CATSPERE: variants seen among roughly 807,000 people sequenced by gnomAD.
The protein encoded by CATSPERE is cation channel sperm-associated auxiliary subunit epsilon.
A neutral mutation model predicts 114.1 loss-of-function variants in CATSPERE; 93 were observed. The ratio of observed to expected loss-of-function variants is 0.81; its 90% CI spans 0.69 to 0.97. CATSPERE has a LOEUF of 0.97. Among genes scored for constraint, CATSPERE ranks in the 50% least tolerant of loss-of-function variants. CATSPERE has a pLI of 0.00. For synonymous variants in CATSPERE, 341 were observed against 384.1 expected (o/e 0.89, Z 1.31); for missense variants, 1,058 against 1,131.6 (o/e 0.93, Z 0.93).
At chr1:244,553,600 A>ACACACACACACACACACATAT (rs775040459) in intron 9 of CATSPERE, among the ~76,000 whole-genome samples, 1 of 32,578 alleles carries the variant, frequency 3.1e-5, no homozygotes, top group African/African-American at 1.1e-4. Flanking sequence ...AAAAAAAAAA[A>ACACACACACACACACACATAT]ATACACACAC....
chr1:244,510,668 T>C (rs1336331191), intron 7 of CATSPERE, among the ~76,000 whole-genome samples: 2 of 152,108 alleles, frequency 1.3e-5, no homozygotes, highest in Non-Finnish European at 2.9e-5. Context: ...CTTTGTTGAT[T>C]TTCTATCTAG....
chr1:244,577,601 C>A (rs188597061), intron 11 of CATSPERE, among the ~76,000 whole-genome samples: 10 of 152,298 alleles, frequency 6.6e-5, no homozygotes, highest in Admixed American at 5.2e-4. Context: ...TTCACTGTGT[C>A]CTCACATGGC....
rs3006048 is a variant in CATSPERE at position 244,518,115 on chromosome 1, T to C, written c.430-477T>C. On this transcript the variant is annotated intron_variant, in intron 7 of 21. Coordinates refer to ENST00000366534, the MANE Select transcript of CATSPERE (RefSeq NM_001130957.2). ...CAACTCAATTCCCCTTCTCCTTATG[T>C]ATCATGAGAAAAAGGGAGCTTTTCA... Among the ~76,000 whole-genome samples the C allele has an allele frequency of 7.2e-3, 1,102 of 152,308 alleles. 14 individuals carry two copies. The highest frequency in any genetic ancestry group is 0.025 in the African/African-American group (1,027 of 41,566).
At chr1:244,552,996 C>T (rs902946782) in intron 9 of CATSPERE, among the ~76,000 whole-genome samples, 182 bp downstream of exon 9, 1 of 152,024 alleles carries the variant, frequency 6.6e-6, no homozygotes, top group African/African-American at 2.4e-5. Context: ...GAGATACACC[C>T]CCAACAACTA....
chr1:244,601,303 CT>C (rs1356942716), intron 17 of CATSPERE, among the ~76,000 whole-genome samples: 1 of 151,946 alleles, frequency 6.6e-6, no homozygotes, highest in Non-Finnish European at 1.5e-5. Flanking sequence ...TCAACATGTG[CT>C]TAATAATTTT....
chr1:244,549,318 A>G (rs1205669795), intron 8 of CATSPERE, among the ~76,000 whole-genome samples: 1 of 152,354 alleles, frequency 6.6e-6, no homozygotes, highest in East Asian at 1.9e-4. Flanking sequence ...GAAGTCAGCT[A>G]TAAATACCAG....
At chr1:244,620,113 G>A (rs1671902049) in intron 20 of CATSPERE, among the ~76,000 whole-genome samples, 1 of 152,190 alleles carries the variant, frequency 6.6e-6, no homozygotes, top group Admixed American at 6.5e-5. Flanking sequence ...ATTATTGTAT[G>A]TGGCCGAAAT....
chr1:244,583,866 A>G lies in CATSPERE; in HGVS notation c.2012A>G (p.Asp671Gly). 6.2e-7 allele frequency: 1 copy of G among 1,613,842 alleles called. No individual in the cohort carries two copies. The highest frequency in any genetic ancestry group is 8.5e-7 in the Non-Finnish European group (1 of 1,179,798). Residue 671 changes from aspartate (D) to glycine (G), a missense_variant and splice_region_variant, in exon 13 of 22, where the codon GAC becomes GGC. By Grantham distance (94) the Asp-to-Gly change is moderately conservative (BLOSUM62 -1). Coordinates refer to ENST00000366534, the MANE Select transcript of CATSPERE (RefSeq NM_001130957.2). ...CCTGTACGAATTGTTTCTCCTAGAG[A>G]CAAGCACACGGGTCTTGTGCTGGTT... Reference protein sequence around the residue: ...ERISDYFETQDKHTGLVLVQF... With the variant: ...ERISDYFETQGKHTGLVLVQF...
intron 6 of CATSPERE, among the ~76,000 whole-genome samples, chr1:244,495,669 C>T (rs1042547885): frequency 6.6e-6 from 1 of 152,076 alleles, no homozygotes; most frequent in African/African-American, 2.4e-5. Flanking sequence ...TGCAGTGAGC[C>T]GAGATTGCGC....
intron 6 of CATSPERE, among the ~76,000 whole-genome samples, chr1:244,493,204 A>G (rs1193640656): frequency 3.9e-5 from 6 of 152,234 alleles, no homozygotes; most frequent in Admixed American, 2.6e-4. Flanking sequence ...TATATATACT[A>G]CAAGGCTACA....
At chr1:244,528,578 A>G (rs1679042508) in intron 8 of CATSPERE, among the ~76,000 whole-genome samples, 1 of 152,120 alleles carries the variant, frequency 6.6e-6, no homozygotes, top group South Asian at 2.1e-4. Flanking sequence ...CATACAATGT[A>G]TAATAATCAT....
Position 244,621,103 on chromosome 1 carries a change from TAA to T in CATSPERE, c.2648+3419_2648+3420del, listed in dbSNP as rs1558609398. 7.6e-3 allele frequency among the ~76,000 whole-genome samples: 184 copies of T among 24,160 alleles called. 5 individuals are homozygous for T. The highest frequency in any genetic ancestry group is 8.9e-3 in the Non-Finnish European group (99 of 11,180). The allele number at this position is 24,160 out of a possible 152,430, so 15.8% of individuals were successfully genotyped here. On this transcript the variant is annotated intron_variant, in intron 20 of 21. Coordinates refer to ENST00000366534, the MANE Select transcript of CATSPERE (RefSeq NM_001130957.2). Reference sequence around the variant, plus strand: ...TATATAAATATATATAAAATATATATAAATATATATATAATATATATATAAAT... The same window carrying T: ...TATATAAATATATATAAAATATATATATATATATATAATATATATATAAAT...
intron 21 of CATSPERE, among the ~76,000 whole-genome samples, chr1:244,637,334 G>A (rs913716958): frequency 3.9e-5 from 6 of 151,954 alleles, no homozygotes; most frequent in African/African-American, 9.7e-5. Context: ...TCCTCTCCAC[G>A]TCAAGCCCCA....
chr1:244,581,586 T>G (rs1666180950), intron 11 of CATSPERE, among the ~76,000 whole-genome samples: 1 of 152,198 alleles, frequency 6.6e-6, no homozygotes, highest in Non-Finnish European at 1.5e-5. Context: ...ATTAATATTT[T>G]ATTATATTTG....
chr1:244,599,409 C>G (rs1003403523), intron 17 of CATSPERE, among the ~76,000 whole-genome samples: 2 of 152,188 alleles, frequency 1.3e-5, no homozygotes, highest in Non-Finnish European at 2.9e-5. Context: ...TTTGGAATCT[C>G]CCTGACTCCT....
intron 7 of CATSPERE, among the ~76,000 whole-genome samples, chr1:244,514,759 G>T (rs1010270445): frequency 6.6e-6 from 1 of 150,836 alleles, no homozygotes; most frequent in Non-Finnish European, 1.5e-5. Context: ...AACCCGGGAG[G>T]TGGAGCTTGC....
upstream of CATSPERE, among the ~76,000 whole-genome samples, chr1:244,456,646 TA>T (rs1666189276): frequency 6.6e-6 from 1 of 152,234 alleles, no homozygotes; most frequent in Admixed American, 6.5e-5. Flanking sequence ...CTAAATGCTT[TA>T]AAGTCAAACT....
At chr1:244,451,548 G>A, upstream of CATSPERE, 3 of 1,418,442 alleles carry the variant, frequency 2.1e-6, no homozygotes, top group South Asian at 1.3e-5. The surrounding 1 kb of genome is among the most constrained non-coding windows in gnomAD (Gnocchi z 6.6). Context: ...AGTGGATCCG[G>A]GTTCTGGGTC....
At chr1:244,536,818 G>A (rs112036608) in intron 8 of CATSPERE, among the ~76,000 whole-genome samples, 136 of 152,314 alleles carry the variant, frequency 8.9e-4, no homozygotes, top group African/African-American at 3.1e-3. Context: ...GATTGGTGGA[G>A]GCTTCTATTC....
Sources: allele counts gnomAD v4.1 joint callset (sites outside exome capture counted in the v4.1 genomes callset), GRCh38; gene constraint gnomAD v4.1.1; non-coding constraint Gnocchi (gnomAD v3.1); transcripts MANE v1.5; gene names NCBI Gene and HGNC (gene_info 2026-07-23, HGNC 2026-07-21).